Variants in NXPE3 observed in about 807,000 individuals in gnomAD.
NXPE3 encodes neurexophilin and PC-esterase domain family member 3, also known as NXPE family member 3.
In NXPE3, 26 loss-of-function variants were observed where a neutral mutation model predicts 46.1. That is an observed-to-expected ratio of 0.56 (90% CI 0.41 to 0.78). The LOEUF is 0.78. NXPE3 is among the 30% of genes least tolerant of loss of function. NXPE3 has a pLI of 0.00. For missense variants in NXPE3, 620 were observed against 686.0 expected (o/e 0.90, Z 1.07); for synonymous variants, 272 against 257.9 (o/e 1.05, Z -0.52).
At chr3:101,792,414 TA>T (rs1940571857) in intron 4 of NXPE3, among the ~76,000 whole-genome samples, 1 of 152,266 alleles carries the variant, frequency 6.6e-6, no homozygotes, top group African/African-American at 2.4e-5. Flanking sequence ...TTTAAATCTT[TA>T]ATCCATCTTG....
At chr3:101,819,131 T>C (rs1275313490) in intron 7 of NXPE3, among the ~76,000 whole-genome samples, 2 of 152,184 alleles carry the variant, frequency 1.3e-5, no homozygotes, top group Non-Finnish European at 2.9e-5. Context: ...GGGCAAGGAC[T>C]ATATAGCTTA....
At position 101,826,689 on chromosome 3, in the gene NXPE3, C is replaced by T. The variant is rs1240434762; in HGVS notation, c.*4735C>T. ...CTAGGAGAGCAGAAAATGTACTCCA[C>T]CACCTTCTGTCTAACTTGTCTCTTA... On this transcript the variant is annotated 3_prime_UTR_variant, in exon 8 of 8. Coordinates refer to ENST00000273347, the MANE Select transcript of NXPE3 (RefSeq NM_145037.4). The T allele has an allele frequency of 6.6e-6, 1 of 152,154 alleles. No homozygotes were observed. Among genetic ancestry groups the T allele is most frequent in the Non-Finnish European group, 1.5e-5 (1 of 68,024 alleles). 9.4% of individuals were successfully genotyped at this position (152,154 alleles called of 1,614,324 possible).
chr3:101,808,782 G>T (rs1296242925), intron 6 of NXPE3, among the ~76,000 whole-genome samples: 4 of 119,860 alleles, frequency 3.3e-5, no homozygotes, highest in Non-Finnish European at 6.6e-5. Flanking sequence ...AGCTGTTTTT[G>T]ATTTACTTGA....
rs1310582083 is a variant in NXPE3, at chr3:101,827,009, G to A, written c.*5055G>A. 6.6e-6 allele frequency: 1 copy of A among 151,936 alleles called. No individual in the cohort carries two copies. Among genetic ancestry groups the A allele is most frequent in the African/African-American group, 2.4e-5 (1 of 41,264 alleles). The allele number at this position is 151,936 out of a possible 1,614,324, so 9.4% of individuals were successfully genotyped here. A position where few individuals can be genotyped will look rare whatever the true frequency, so the allele number is the denominator to read the frequency against. Reference sequence around the variant, plus strand: ...GATCATGCCATTGCACTCTAGCCTGGGCAACGAGAGTGAAACTCTGTCTCA... The same window carrying A: ...GATCATGCCATTGCACTCTAGCCTGAGCAACGAGAGTGAAACTCTGTCTCA... On this transcript the variant is annotated 3_prime_UTR_variant, in exon 8 of 8. Transcript: ENST00000273347.
chr3:101,820,592 C>T (rs59005393), intron 7 of NXPE3, among the ~76,000 whole-genome samples: 1,684 of 152,242 alleles, frequency 0.011, 32 homozygotes, highest in African/African-American at 0.039. Context: ...TTCATTGCAG[C>T]GCTGTTCACG....
intron 5 of NXPE3, among the ~76,000 whole-genome samples, chr3:101,804,221 C>T (rs149230944): frequency 1.4e-4 from 21 of 152,248 alleles, no homozygotes; most frequent in African/African-American, 5.1e-4. Flanking sequence ...TACGCAAATT[C>T]CAGGTGGAAA....
intron 5 of NXPE3, among the ~76,000 whole-genome samples, 173 bp downstream of exon 5, chr3:101,802,162 T>G (rs1941196976): frequency 6.6e-6 from 1 of 152,196 alleles, no homozygotes; most frequent in Non-Finnish European, 1.5e-5. Context: ...TTTTCATTAG[T>G]GTTTTAAAAA....
At chr3:101,814,614 CTTAAATT>C (rs1205602374) in intron 6 of NXPE3, among the ~76,000 whole-genome samples, 2 of 152,078 alleles carry the variant, frequency 1.3e-5, no homozygotes, top group Non-Finnish European at 2.9e-5. Context: ...AGGGGAGTCA[CTTAAATT>C]TAAATTTCTG....
intron 4 of NXPE3, among the ~76,000 whole-genome samples, chr3:101,796,272 C>T (rs959510867): frequency 2.6e-5 from 4 of 152,220 alleles, no homozygotes; most frequent in Admixed American, 6.5e-5. Context: ...CACTCCAGCC[C>T]ATAGGTTATG....
chr3:101,804,945 T>C (rs1011599762), intron 5 of NXPE3, among the ~76,000 whole-genome samples: 1 of 152,242 alleles, frequency 6.6e-6, no homozygotes, highest in Non-Finnish European at 1.5e-5. Flanking sequence ...TTTCTAACTT[T>C]GTGTTTAAAA....
chr3:101,805,201 G>A (rs1396393306), intron 5 of NXPE3, among the ~76,000 whole-genome samples: 1 of 151,938 alleles, frequency 6.6e-6, no homozygotes, highest in Non-Finnish European at 1.5e-5. Context: ...GATCACATTT[G>A]GGACATTTAT....
intron 6 of NXPE3, among the ~76,000 whole-genome samples, chr3:101,816,364 G>A (rs35218344): frequency 6.6e-6 from 1 of 151,716 alleles, no homozygotes; most frequent in Non-Finnish European, 1.5e-5. Flanking sequence ...TGCTGCACCT[G>A]TCAACCCATC....
chr3:101,785,746 C>A, intron 4 of NXPE3, 57 bp downstream of exon 4: 3 of 1,412,786 alleles, frequency 2.1e-6, no homozygotes, highest in Non-Finnish European at 3.0e-6. Flanking sequence ...GGATCTGGGG[C>A]TAACTAGCCT....
At position 101,811,179 on chromosome 3, in the gene NXPE3, C is replaced by G. The variant is rs115974765; in HGVS notation, c.922+4053C>G. Among the ~76,000 whole-genome samples, 1,109 of 152,228 alleles carry G rather than the reference C, an allele frequency of 7.3e-3. 10 individuals carry two copies. Among genetic ancestry groups the G allele is most frequent in the African/African-American group, 0.025 (1,047 of 41,528 alleles). ...ACACAGCCCTGATAATAGCCTGATTCAACTTGTGAGACTCTGAGGAGAGAA... is the reference window on the plus strand; with the variant it reads ...ACACAGCCCTGATAATAGCCTGATTGAACTTGTGAGACTCTGAGGAGAGAA... On this transcript the variant is annotated intron_variant, in intron 6 of 7. Transcript: ENST00000273347.
At chr3:101,811,727 ATTTTT>A (rs33999838) in intron 6 of NXPE3, among the ~76,000 whole-genome samples, 1 of 98,622 alleles carries the variant, frequency 1.0e-5, no homozygotes, top group Non-Finnish European at 2.1e-5. Flanking sequence ...GCAGTAGTTA[ATTTTT>A]TTTTTTTTTT....
chr3:101,801,091 A>G, intron 4 of NXPE3, 144 bp from the exon 5 acceptor site: 1 of 887,376 alleles, frequency 1.1e-6, no homozygotes, highest in Middle Eastern at 3.6e-4. Context: ...GCCCAAGGGG[A>G]TTTTTCTTTG....
At position 101,785,465 on chromosome 3, in the gene NXPE3, T is replaced by C; in HGVS notation, c.-132T>C. 2 of 746,228 alleles carry C rather than the reference T, an allele frequency of 2.7e-6. No individual in the cohort carries two copies. Among genetic ancestry groups the C allele is most frequent in the East Asian group, 5.0e-5 (2 of 40,138 alleles). The allele number at this position is 746,228 out of a possible 1,614,324, so 46.2% of individuals were successfully genotyped here. A position where few individuals can be genotyped will look rare whatever the true frequency, so the allele number is the denominator to read the frequency against. On this transcript the variant is annotated 5_prime_UTR_variant, in exon 4 of 8. Coordinates refer to ENST00000273347, the MANE Select transcript of NXPE3 (RefSeq NM_145037.4). ...CAGTCTCTCCTCTGCATAAGAGCTCTTAAGGGTACTAGCAGGATAGAAGCA... is the reference window on the plus strand; with the variant it reads ...CAGTCTCTCCTCTGCATAAGAGCTCCTAAGGGTACTAGCAGGATAGAAGCA...
At chr3:101,780,125 T>G (rs928766304) in intron 1 of NXPE3, among the ~76,000 whole-genome samples, 4 of 152,206 alleles carry the variant, frequency 2.6e-5, no homozygotes, top group African/African-American at 9.7e-5. Context: ...TCACACTGCT[T>G]TGGTGGGCCT....
chr3:101,793,419 T>C (rs1043801628), intron 4 of NXPE3, among the ~76,000 whole-genome samples: 1 of 152,152 alleles, frequency 6.6e-6, no homozygotes, highest in Admixed American at 6.5e-5. Context: ...TTCTTCTAGC[T>C]AGCATGTAAT....
Sources: gnomAD v4.1 joint callset for allele counts (sites outside exome capture counted in the v4.1 genomes callset) on GRCh38, gnomAD v4.1.1 for gene constraint, MANE v1.5 for transcripts, NCBI Gene and HGNC (gene_info 2026-07-23, HGNC 2026-07-21) for gene names.